The following DOK6 variants were observed in gnomAD, a reference collection of about 807,000 sequenced individuals.
DOK6 encodes the protein downstream of tyrosine kinase 6.
DOK6 carries 22 observed loss-of-function variants against 44.0 expected under a neutral mutation model. The observed-to-expected ratio is 0.50, with a 90% CI of 0.36 to 0.71. The LOEUF (loss-of-function observed/expected upper bound fraction) is 0.71, where lower values mean the gene tolerates loss of function less well. Ranked by LOEUF, DOK6 falls within the 30% of genes least tolerant of loss-of-function variation. The pLI is 0.00. For missense variants in DOK6, 340 were observed against 416.4 expected (o/e 0.82, Z 1.60); for synonymous variants, 166 against 145.5 (o/e 1.14, Z -1.01).
rs75496261 is a variant in DOK6, at chr18:69,759,143, A to G, written c.856+1270A>G. ...TGATAAAATATTTAACAGAATAAGGATTAGAGGGTTAAGAAAAGTGAGGAG... is the reference window on the plus strand; with the variant it reads ...TGATAAAATATTTAACAGAATAAGGGTTAGAGGGTTAAGAAAAGTGAGGAG... On this transcript the variant is annotated intron_variant, in intron 7 of 7. Transcript: ENST00000382713. Among the ~76,000 whole-genome samples the G allele has an allele frequency of 5.9e-5, 9 of 151,580 alleles. No individual in the cohort carries two copies. In the East Asian group the frequency reaches 1.7e-3, roughly 29 times the overall value.
At chr18:69,795,583 C>A (rs1050675720) in intron 7 of DOK6, among the ~76,000 whole-genome samples, 1 of 152,104 alleles carries the variant, frequency 6.6e-6, no homozygotes, top group Admixed American at 6.6e-5. Flanking sequence ...AATGTGAGAA[C>A]AAGGTTCCAG....
chr18:69,805,330 T>G (rs377042845), intron 7 of DOK6, among the ~76,000 whole-genome samples: 10 of 151,862 alleles, frequency 6.6e-5, no homozygotes, highest in East Asian at 5.8e-4. Flanking sequence ...TTATAGAGGG[T>G]GGAGATGGGG....
At chr18:69,476,487 CCGGAGGAA>C (rs1385421398) in intron 1 of DOK6, among the ~76,000 whole-genome samples, 247 of 152,148 alleles carry the variant, frequency 1.6e-3, no homozygotes, top group East Asian at 0.012. Context: ...GTCAGAGTTC[CCGGAGGAA>C]ATCGATGGCA....
chr18:69,750,673 G>C (rs12965305), intron 6 of DOK6, among the ~76,000 whole-genome samples: 2 of 152,064 alleles, frequency 1.3e-5, no homozygotes, highest in African/African-American at 2.4e-5. Context: ...CAGCATGAAG[G>C]TTCCTCAAAC....
intron 3 of DOK6, among the ~76,000 whole-genome samples, chr18:69,644,526 T>A (rs1030557036): frequency 6.6e-6 from 1 of 152,186 alleles, no homozygotes; most frequent in Non-Finnish European, 1.5e-5. Flanking sequence ...ATTCCTCCAT[T>A]GAACTGCTGT....
chr18:69,772,530 T>C (rs1437563919), intron 7 of DOK6, among the ~76,000 whole-genome samples: 2 of 151,988 alleles, frequency 1.3e-5, no homozygotes, highest in East Asian at 3.8e-4. Context: ...TATAGAGTAA[T>C]GGAACATAAT....
chr18:69,833,079 G>T (rs1981947589), intron 7 of DOK6, among the ~76,000 whole-genome samples: 1 of 151,994 alleles, frequency 6.6e-6, no homozygotes, highest in South Asian at 2.1e-4. Context: ...AATTCACACG[G>T]TACCACAAAA....
intron 5 of DOK6, among the ~76,000 whole-genome samples, chr18:69,713,971 G>A (rs1599280454): frequency 1.3e-5 from 2 of 152,168 alleles, no homozygotes; most frequent in East Asian, 3.8e-4. Flanking sequence ...CCACTATGGT[G>A]GAGGAAGGTA....
intron 1 of DOK6, among the ~76,000 whole-genome samples, chr18:69,436,519 A>G (rs1978984624): frequency 1.3e-5 from 2 of 152,154 alleles, no homozygotes; most frequent in Non-Finnish European, 2.9e-5. Flanking sequence ...AGAGTATTCC[A>G]TGGTGCATAT....
chr18:69,821,546 G>T (rs1442923116), intron 7 of DOK6, among the ~76,000 whole-genome samples: 1 of 152,068 alleles, frequency 6.6e-6, no homozygotes, highest in Non-Finnish European at 1.5e-5. Flanking sequence ...TGGTATAGCA[G>T]TAGTCTCGTA....
intron 1 of DOK6, among the ~76,000 whole-genome samples, chr18:69,544,608 A>G (rs1982353238): frequency 6.6e-6 from 1 of 151,552 alleles, no homozygotes; most frequent in South Asian, 2.1e-4. Context: ...AGTTGTGCTC[A>G]GGCCACAGTT....
Position 69,404,805 on chromosome 18 carries a change from G to C in DOK6, c.66+3495G>C, listed in dbSNP as rs1242423327. 2.6e-5 allele frequency among the ~76,000 whole-genome samples: 4 copies of C among 152,026 alleles called. No individual in the cohort carries two copies. The East Asian group carries it at 7.7e-4, about 29-fold the overall frequency. On this transcript the variant is annotated intron_variant, in intron 1 of 7. Transcript: ENST00000382713. ...TAGGGTGGTGTGTGTGTGTGTGTGT[G>C]TGTGTGTGTATTCAGGTACACACTC...
At chr18:69,649,421 A>AG (rs1985164633) in intron 3 of DOK6, among the ~76,000 whole-genome samples, 1 of 152,152 alleles carries the variant, frequency 6.6e-6, no homozygotes, top group African/African-American at 2.4e-5. Context: ...TGATGAAAAT[A>AG]GGGGTATTTT....
intron 7 of DOK6, among the ~76,000 whole-genome samples, chr18:69,788,609 C>G (rs1368689646): frequency 2.0e-5 from 3 of 152,138 alleles, no homozygotes; most frequent in Non-Finnish European, 4.4e-5. Flanking sequence ...TCCAAGGCGT[C>G]CTAACTGATC....
intron 3 of DOK6, among the ~76,000 whole-genome samples, chr18:69,650,831 G>A (rs1352043495): frequency 2.0e-5 from 3 of 152,044 alleles, no homozygotes; most frequent in East Asian, 1.9e-4. Flanking sequence ...TTTTCATGCT[G>A]CTATTACTGC....
intron 3 of DOK6, among the ~76,000 whole-genome samples, chr18:69,613,118 G>A (rs750146367): frequency 6.6e-6 from 1 of 152,156 alleles, no homozygotes. Context: ...CCATCCACCC[G>A]TCTCGGCCTC....
chr18:69,716,167 G>C (rs990456718), intron 5 of DOK6, among the ~76,000 whole-genome samples: 3 of 152,188 alleles, frequency 2.0e-5, no homozygotes, highest in African/African-American at 7.2e-5. Context: ...ATGGAGGTCA[G>C]AGAGCAGCAT....
intron 1 of DOK6, among the ~76,000 whole-genome samples, chr18:69,498,851 T>C (rs1980970348): frequency 6.6e-6 from 1 of 152,202 alleles, no homozygotes; most frequent in Admixed American, 6.5e-5. Flanking sequence ...AAACGTGTGT[T>C]GCCTGCCTGA....
At chr18:69,781,112 G>C (rs1267747285) in intron 7 of DOK6, among the ~76,000 whole-genome samples, 1 of 152,070 alleles carries the variant, frequency 6.6e-6, no homozygotes, top group East Asian at 1.9e-4. Context: ...AAATTCAACT[G>C]CTCATCTGCT....
Sources: gnomAD v4.1 joint callset for allele counts (sites outside exome capture counted in the v4.1 genomes callset) on GRCh38, gnomAD v4.1.1 for gene constraint, MANE v1.5 for transcripts, NCBI Gene and HGNC (gene_info 2026-07-23, HGNC 2026-07-21) for gene names.